Variants in GTF3C1 observed in about 807,000 individuals in gnomAD.
The protein encoded by GTF3C1 is general transcription factor 3C polypeptide 1.
In GTF3C1, 57 loss-of-function variants were observed where a neutral mutation model predicts 226.7. That is an observed-to-expected ratio of 0.25 (90% CI 0.20 to 0.31). GTF3C1 has a LOEUF of 0.31. Ranked by LOEUF, GTF3C1 falls within the 10% of genes least tolerant of loss-of-function variation. GTF3C1 has a pLI of 1.00. For missense variants in GTF3C1, 2,217 were observed against 2,776.1 expected, an observed-to-expected ratio of 0.80 and a Z score of 4.53; for synonymous variants, 1,090 against 1,084.8, an observed-to-expected ratio of 1.00 and a Z score of -0.09.
At chr16:27,473,350 G>A (rs2087904153) in intron 29 of GTF3C1, among the ~76,000 whole-genome samples, 1 of 152,272 alleles carries the variant, frequency 6.6e-6, no homozygotes, top group Non-Finnish European at 1.5e-5. Flanking sequence ...GGACTGTGCA[G>A]TCAGCAGAGT....
intron 4 of GTF3C1, among the ~76,000 whole-genome samples, chr16:27,536,433 C>T (rs2089001872): frequency 6.6e-6 from 1 of 152,134 alleles, no homozygotes; most frequent in Admixed American, 6.5e-5. Context: ...CTAAACTCTA[C>T]TAAAAATACG....
At position 27,469,511 on chromosome 16, in the gene GTF3C1, TTCATCCTCG is replaced by T; in HGVS notation, c.4845_4853del (p.Asp1615_Asp1617del). 6.2e-7 allele frequency: 1 copy of T among 1,613,256 alleles called. No homozygotes were observed. The highest frequency in any genetic ancestry group is 8.5e-7 in the Non-Finnish European group (1 of 1,179,230). On this transcript the variant is annotated inframe_deletion, in exon 32 of 37. Coordinates refer to ENST00000356183, the MANE Select transcript of GTF3C1 (RefSeq NM_001520.4). The surrounding 1 kb of genome is among the most constrained non-coding windows in gnomAD (Gnocchi z 4.5). ...CTACACCTTCGTCCAAGTCATCCTCTTCATCCTCGTCATCCTCCAGGCTGCCGTCCTTCC... is the reference window on the plus strand; with the variant it reads ...CTACACCTTCGTCCAAGTCATCCTCTTCATCCTCCAGGCTGCCGTCCTTCC...
In GTF3C1 at chr16:27,502,840, C is replaced by T; in HGVS notation, c.1907+19G>A. 2.6e-6 allele frequency: 4 copies of T among 1,554,348 alleles called. No homozygotes were observed. Among genetic ancestry groups the T allele is most frequent in the East Asian group, 4.8e-5 (2 of 41,306 alleles). On this transcript the variant is annotated intron_variant, in intron 11 of 36. Coordinates refer to ENST00000356183, the MANE Select transcript of GTF3C1 (RefSeq NM_001520.4). ...CTGTTAGTGCCAGCAGACAGACAGA[C>T]AGACAGACAGCTCCTTACGTGAATA...
Position 27,462,238 on chromosome 16 carries a change from C to G in GTF3C1, c.6117+56G>C. 1 of 1,275,562 alleles carries G rather than the reference C, an allele frequency of 7.8e-7. No homozygotes were observed. The highest frequency in any genetic ancestry group is 1.3e-5 in the South Asian group (1 of 75,178). The allele number at this position is 1,275,562 out of a possible 1,614,324, so 79.0% of individuals were successfully genotyped here. A position where few individuals can be genotyped will look rare whatever the true frequency, so the allele number is the denominator to read the frequency against. ...CTGGGGCCTGAACATCACAGCCGGG[C>G]CACTGAGTGCACCCAGCCGCCTCCA... is the stretch of plus-strand genomic sequence containing the variant. On this transcript the variant is annotated intron_variant, in intron 36 of 36. Transcript: ENST00000356183. This position sits in a 1 kb window ranked among gnomAD's most constrained non-coding sequence, Gnocchi z 4.5.
chr16:27,468,442 T>C (rs980865171), intron 32 of GTF3C1, among the ~76,000 whole-genome samples: 5 of 151,938 alleles, frequency 3.3e-5, no homozygotes, highest in African/African-American at 4.8e-5. Context: ...GAAGGCCCCG[T>C]CTCTACAAAA....
At chr16:27,520,759 G>A (rs943377135) in intron 6 of GTF3C1, among the ~76,000 whole-genome samples, 3 of 152,002 alleles carry the variant, frequency 2.0e-5, no homozygotes, top group Non-Finnish European at 4.4e-5. Context: ...TTGCTCTGTC[G>A]CCCAGGCTGG....
intron 6 of GTF3C1, 104 bp from the exon 7 acceptor site, chr16:27,512,005 A>AT (rs1182753128): frequency 3.8e-6 from 5 of 1,298,750 alleles, no homozygotes; most frequent in Non-Finnish European, 5.4e-6. Context: ...AGAGACAGAG[A>AT]TCCCCACAAA....
intron 23 of GTF3C1, 44 bp from the exon 24 acceptor site, chr16:27,486,198 G>A: frequency 8.3e-7 from 1 of 1,210,742 alleles, no homozygotes; most frequent in South Asian, 1.4e-5. Flanking sequence ...CTAACACCTG[G>A]TTTGGAGCTG....
intron 28 of GTF3C1, among the ~76,000 whole-genome samples, chr16:27,478,101 G>A (rs2087980579): frequency 6.6e-6 from 1 of 152,088 alleles, no homozygotes; most frequent in South Asian, 2.1e-4. Context: ...AACCAAGGAG[G>A]CAGAGGCTGC....
At chr16:27,505,339 G>A (rs2088467711) in intron 10 of GTF3C1, among the ~76,000 whole-genome samples, 1 of 152,216 alleles carries the variant, frequency 6.6e-6, no homozygotes, top group Non-Finnish European at 1.5e-5. Context: ...CTAAAGCAGA[G>A]TTTCTCCACC....
chr16:27,508,732 T>C (rs2088525327), intron 7 of GTF3C1, 77 bp from the exon 8 acceptor site: 8 of 992,144 alleles, frequency 8.1e-6, no homozygotes, highest in Non-Finnish European at 1.3e-5. Context: ...AGCCCACTTT[T>C]TCAGCAGACA....
At chr16:27,511,119 T>C (rs940824431) in intron 7 of GTF3C1, among the ~76,000 whole-genome samples, 14 of 152,196 alleles carry the variant, frequency 9.2e-5, no homozygotes, top group Non-Finnish European at 1.5e-4. Flanking sequence ...TCTGTGATGG[T>C]GTTTCTGAAG....
intron 1 of GTF3C1, 77 bp downstream of exon 1, chr16:27,549,593 C>A: frequency 1.3e-6 from 1 of 789,644 alleles, no homozygotes. Context: ...CTCCATTCCC[C>A]CGCCCTGCCC....
intron 23 of GTF3C1, among the ~76,000 whole-genome samples, chr16:27,486,470 A>C (rs1265113560): frequency 6.6e-6 from 1 of 152,166 alleles, no homozygotes; most frequent in Non-Finnish European, 1.5e-5. Flanking sequence ...AGTCCTTTGA[A>C]GGCATCTTGT....
chr16:27,525,153 AAAAAGAAAAGAAAG>A lies in GTF3C1; in HGVS notation c.973+3431_973+3444del, dbSNP rs891914158. Among the ~76,000 whole-genome samples, 6 of 147,130 alleles carry A rather than the reference AAAAAGAAAAGAAAG, an allele frequency of 4.1e-5. No individual in the cohort carries two copies. The East Asian group carries it at 7.7e-4, about 19-fold the overall frequency. On this transcript the variant is annotated intron_variant, in intron 6 of 36. Coordinates refer to ENST00000356183, the MANE Select transcript of GTF3C1 (RefSeq NM_001520.4). ...GCAATAGAGAGAAACTCTGTGTCAA[AAAAAGAAAAGAAAG>A]AAAAGAAAAGAAAGAAATAAAAGAA...
chr16:27,471,169 A>C lies in GTF3C1; in HGVS notation c.4526+579T>G, dbSNP rs994888796. Among the ~76,000 whole-genome samples the C allele has an allele frequency of 2.0e-5, 3 of 152,216 alleles. No individual in the cohort carries two copies. The highest frequency in any genetic ancestry group is 1.3e-4 in the Admixed American group (2 of 15,284). Reference sequence around the variant, plus strand: ...GCAGACCTGAGTGCGGGGAAGGAGAATGGTGTGAAGGGGAAGCCGTCAAGA... The same window carrying C: ...GCAGACCTGAGTGCGGGGAAGGAGACTGGTGTGAAGGGGAAGCCGTCAAGA... On this transcript the variant is annotated intron_variant, in intron 30 of 36. Coordinates refer to ENST00000356183, the MANE Select transcript of GTF3C1 (RefSeq NM_001520.4). The surrounding 1 kb of genome is among the most constrained non-coding windows in gnomAD (Gnocchi z 5.0).
intron 12 of GTF3C1, 82 bp from the exon 13 acceptor site, chr16:27,498,815 C>T: frequency 1.3e-6 from 1 of 779,596 alleles, no homozygotes; most frequent in Non-Finnish European, 2.4e-6. Flanking sequence ...CCTAGTGGAA[C>T]CTCAGTCATA....
intron 19 of GTF3C1, among the ~76,000 whole-genome samples, chr16:27,490,965 A>G (rs556408554): frequency 6.6e-6 from 1 of 152,320 alleles, no homozygotes; most frequent in South Asian, 2.1e-4. Flanking sequence ...CAGGCCTGAA[A>G]AACTCTGGTG....
rs143618079 is a variant in GTF3C1, at chr16:27,506,965, C to T, written c.1434G>A (p.Ser478=). ...PEGEDTFLSE[S]DSEEERSSSK... ...TGCTGCTCCTCTCCTCCTCACTGTC[C>T]GACTCAGAGAGGAAGGTGTCCTCGC... Residue 478 remains serine, a synonymous_variant, in exon 9 of 37, where the codon TCG becomes TCA. Transcript: ENST00000356183. 5.2e-5 allele frequency: 84 copies of T among 1,612,802 alleles called. No individual in the cohort carries two copies. Among genetic ancestry groups the T allele is most frequent in the Middle Eastern group, 1.6e-4 (1 of 6,082 alleles).
Sources: gnomAD v4.1 joint callset for allele counts (sites outside exome capture counted in the v4.1 genomes callset) on GRCh38, gnomAD v4.1.1 for gene constraint, Gnocchi (gnomAD v3.1) non-coding constraint, MANE v1.5 for transcripts, NCBI Gene and HGNC (gene_info 2026-07-23, HGNC 2026-07-21) for gene names.